MCU: variants seen among roughly 807,000 people sequenced by gnomAD.
The protein encoded by MCU is mitochondrial calcium uniporter, also known as calcium uniporter protein, mitochondrial.
A neutral mutation model predicts 45.2 loss-of-function variants in MCU; 12 were observed. That is an observed-to-expected ratio of 0.27 (90% CI 0.17 to 0.43). The LOEUF is 0.43. Among genes scored for constraint, MCU ranks in the 20% least tolerant of loss-of-function variants. MCU has a pLI of 1.00. For synonymous variants in MCU, 160 were observed against 165.1 expected, an observed-to-expected ratio of 0.97 and a Z score of 0.24; for missense variants, 324 against 436.7, an observed-to-expected ratio of 0.74 and a Z score of 2.30.
intron 1 of MCU, among the ~76,000 whole-genome samples, chr10:72,723,626 C>CT (rs1252364570): frequency 6.6e-6 from 1 of 152,070 alleles, no homozygotes; most frequent in Non-Finnish European, 1.5e-5. Flanking sequence ...CTATATTTTG[C>CT]TTTTTTTGCT....
intron 1 of MCU, among the ~76,000 whole-genome samples, chr10:72,710,943 C>T (rs1187814840): frequency 6.6e-6 from 1 of 151,800 alleles, no homozygotes; most frequent in Non-Finnish European, 1.5e-5. Context: ...TTTGGGAGGC[C>T]AAGGCAGGTA....
At chr10:72,711,708 CTTTTTTTTTTT>C (rs759213032) in intron 1 of MCU, among the ~76,000 whole-genome samples, 1 of 114,660 alleles carries the variant, frequency 8.7e-6, no homozygotes, top group Non-Finnish European at 1.8e-5. Context: ...GACTGTGTTT[CTTTTTTTTTTT>C]TTTTTTTTTT....
chr10:72,788,561 G>A (rs1364145407), intron 1 of MCU, among the ~76,000 whole-genome samples: 1 of 152,174 alleles, frequency 6.6e-6, no homozygotes, highest in East Asian at 1.9e-4. Context: ...AGGAGTTGGA[G>A]GCTGCAGAGT....
intron 1 of MCU, among the ~76,000 whole-genome samples, chr10:72,781,065 A>C (rs1002537429): frequency 1.2e-4 from 19 of 152,236 alleles, no homozygotes; most frequent in Admixed American, 7.2e-4. Flanking sequence ...AAATAAAAAA[A>C]ATTTTTTTTA....
Position 72,885,877 on chromosome 10 carries a change from T to C in MCU, c.*55T>C, listed in dbSNP as rs904457594. The C allele has an allele frequency of 2.0e-5, 29 of 1,440,262 alleles. No homozygotes were observed. Among genetic ancestry groups the C allele is most frequent in the Non-Finnish European group, 2.8e-5 (29 of 1,023,978 alleles). The allele number at this position is 1,440,262 out of a possible 1,614,324, so 89.2% of individuals were successfully genotyped here. A position where few individuals can be genotyped will look rare whatever the true frequency, so the allele number is the denominator to read the frequency against. On this transcript the variant is annotated 3_prime_UTR_variant, in exon 8 of 8. Transcript: ENST00000373053. Reference sequence around the variant, plus strand: ...AGGAACACCTGTTTGCCTTTTTAATTAAAGCATTGCAGGTGGAAGCTGGGA... The same window carrying C: ...AGGAACACCTGTTTGCCTTTTTAATCAAAGCATTGCAGGTGGAAGCTGGGA...
rs146291286 is a variant in MCU at position 72,811,644 on chromosome 10, A to G, written c.151-22715A>G. ...CAGTTTAGTTTGATTGAAAAGGCCC[A>G]CTTAATTAAAATGTGTAAGTTGTCT... On this transcript the variant is annotated intron_variant, in intron 1 of 7. Coordinates refer to ENST00000373053, the MANE Select transcript of MCU (RefSeq NM_138357.3). Among the ~76,000 whole-genome samples, 118 of 152,330 alleles carry G rather than the reference A, an allele frequency of 7.7e-4. 1 individual carries two copies. The East Asian group carries it at 0.02, about 26-fold the overall frequency.
intron 1 of MCU, among the ~76,000 whole-genome samples, chr10:72,750,889 T>C (rs554196499): frequency 6.6e-6 from 1 of 152,382 alleles, no homozygotes; most frequent in South Asian, 2.1e-4. Context: ...GTTTATAACA[T>C]TTATGTTGCT....
At chr10:72,800,755 C>T (rs755465652) in intron 1 of MCU, among the ~76,000 whole-genome samples, 3 of 152,012 alleles carry the variant, frequency 2.0e-5, no homozygotes, top group East Asian at 3.8e-4. Flanking sequence ...TTAACCTTGC[C>T]GTCATGCATT....
chr10:72,751,611 C>A (rs879766784), intron 1 of MCU, among the ~76,000 whole-genome samples: 13 of 151,848 alleles, frequency 8.6e-5, no homozygotes, highest in Non-Finnish European at 1.6e-4. Flanking sequence ...CCACCTTGGC[C>A]TCCCAAAGTG....
chr10:72,734,025 G>A (rs1843217540), intron 1 of MCU, among the ~76,000 whole-genome samples: 1 of 152,122 alleles, frequency 6.6e-6, no homozygotes, highest in Admixed American at 6.5e-5. Flanking sequence ...TAATAATTAT[G>A]TTAATTGGAA....
chr10:72,836,654 A>G (rs1844960099), intron 2 of MCU, among the ~76,000 whole-genome samples: 1 of 152,224 alleles, frequency 6.6e-6, no homozygotes, highest in Admixed American at 6.5e-5. Flanking sequence ...AAAGCTAAAA[A>G]GATACCAACT....
intron 1 of MCU, among the ~76,000 whole-genome samples, chr10:72,780,940 T>G (rs1032470842): frequency 1.7e-4 from 26 of 152,252 alleles, no homozygotes; most frequent in African/African-American, 6.0e-4. Context: ...TTGGTGACAT[T>G]GTGATACCCG....
intron 6 of MCU, 56 bp from the exon 7 acceptor site, chr10:72,884,210 T>C: frequency 9.8e-7 from 1 of 1,024,828 alleles, no homozygotes. Flanking sequence ...AGTTAGTAAA[T>C]ATTTTGTGAA....
chr10:72,696,158 A>G (rs962935833), intron 1 of MCU, among the ~76,000 whole-genome samples: 2 of 110,346 alleles, frequency 1.8e-5, no homozygotes, highest in African/African-American at 4.2e-5. Context: ...CGAAACTCCG[A>G]CTCAAAAAAA....
chr10:72,769,843 G>GA (rs1020541542), intron 1 of MCU, among the ~76,000 whole-genome samples: 2 of 152,112 alleles, frequency 1.3e-5, no homozygotes, highest in African/African-American at 4.8e-5. Flanking sequence ...ACCTACTGTG[G>GA]ACATTTCTGT....
intron 1 of MCU, among the ~76,000 whole-genome samples, chr10:72,703,214 A>G (rs935661766): frequency 6.6e-6 from 1 of 152,168 alleles, no homozygotes; most frequent in African/African-American, 2.4e-5. Flanking sequence ...TGTGCCAAGA[A>G]TTTTACATAG....
At chr10:72,759,651 C>T (rs970018969) in intron 1 of MCU, among the ~76,000 whole-genome samples, 1 of 152,090 alleles carries the variant, frequency 6.6e-6, no homozygotes, top group East Asian at 1.9e-4. Context: ...AATGTTTCTT[C>T]CCCCCAAATT....
chr10:72,784,664 G>C (rs1844045305), intron 1 of MCU, among the ~76,000 whole-genome samples: 1 of 152,124 alleles, frequency 6.6e-6, no homozygotes, highest in African/African-American at 2.4e-5. Flanking sequence ...GGAGTCAAGG[G>C]AACAGTCTCC....
In MCU at chr10:72,819,727, C is replaced by CTTT. The variant is rs71021538; in HGVS notation, c.151-14614_151-14612dup. Among the ~76,000 whole-genome samples the CTTT allele has an allele frequency of 4.5e-3, 460 of 102,562 alleles. 21 individuals carry two copies. The highest frequency in any genetic ancestry group is 6.3e-3 in the Non-Finnish European group (335 of 53,214). 67.3% of individuals were successfully genotyped at this position (102,562 alleles called of 152,430 possible). On this transcript the variant is annotated intron_variant, in intron 1 of 7. Transcript: ENST00000373053. ...CAGTAGTTGTTAACATTTTTCCAGT[C>CTTT]TTTTTTTTTTTTTTTTTTTTGCACT...
Sources: allele counts gnomAD v4.1 joint callset (sites outside exome capture counted in the v4.1 genomes callset), GRCh38; gene constraint gnomAD v4.1.1; transcripts MANE v1.5; gene names NCBI Gene and HGNC (gene_info 2026-07-23, HGNC 2026-07-21).